The following KHDRBS2 variants were observed in gnomAD, a reference collection of about 807,000 sequenced individuals.
KHDRBS2 encodes KH domain-containing, RNA-binding, signal transduction-associated protein 2.
A neutral mutation model predicts 44.3 loss-of-function variants in KHDRBS2; 26 were observed. The ratio of observed to expected loss-of-function variants is 0.59; its 90% CI spans 0.43 to 0.81. KHDRBS2 has a LOEUF of 0.81. KHDRBS2 is among the 40% of genes least tolerant of loss of function. The pLI is 0.00. For missense variants in KHDRBS2, 476 were observed against 433.1 expected, an observed-to-expected ratio of 1.10 and a Z score of -0.88; for synonymous variants, 194 against 151.1, an observed-to-expected ratio of 1.28 and a Z score of -2.08.
intron 2 of KHDRBS2, among the ~76,000 whole-genome samples, chr6:62,175,196 A>G (rs548008196): frequency 5.9e-5 from 9 of 151,830 alleles, no homozygotes; most frequent in African/African-American, 2.2e-4. Context: ...TTTTCTATCA[A>G]AAAGCTCTAA....
At chr6:61,901,420 T>A in intron 4 of KHDRBS2, 49 bp from the exon 5 acceptor site, 1 of 1,444,620 alleles carries the variant, frequency 6.9e-7, no homozygotes, top group South Asian at 1.3e-5. Flanking sequence ...CATGCCGTTC[T>A]CAGAGTTGGA....
intron 6 of KHDRBS2, among the ~76,000 whole-genome samples, chr6:61,812,767 C>G (rs115166884): frequency 6.6e-6 from 1 of 151,792 alleles, no homozygotes; most frequent in Non-Finnish European, 1.5e-5. Context: ...TACAAGGAAA[C>G]AAAAACAAAA....
intron 6 of KHDRBS2, among the ~76,000 whole-genome samples, chr6:61,802,723 C>A (rs147334049): frequency 1.1e-4 from 16 of 152,202 alleles, no homozygotes; most frequent in South Asian, 8.3e-4. Flanking sequence ...CAGTATTTTT[C>A]TTATAATTTT....
intron 2 of KHDRBS2, among the ~76,000 whole-genome samples, chr6:62,071,728 G>A (rs563796827): frequency 1.3e-5 from 2 of 152,302 alleles, no homozygotes; most frequent in South Asian, 2.1e-4. Flanking sequence ...GTACCATGCT[G>A]TTTTGGTTAC....
At chr6:61,906,544 C>T (rs1413865040) in intron 4 of KHDRBS2, among the ~76,000 whole-genome samples, 2 of 152,230 alleles carry the variant, frequency 1.3e-5, no homozygotes, top group South Asian at 4.1e-4. Context: ...ACTTCCCCCC[C>T]TCCTTCCCAC....
chr6:61,630,903 T>C, the KHDRBS2 span, among the ~76,000 whole-genome samples: 7 of 152,172 alleles, frequency 4.6e-5, no homozygotes, highest in Admixed American at 2.0e-4. Context: ...TGTCTCTTTG[T>C]ATTCTGTGGT....
At chr6:61,557,718 C>T in the KHDRBS2 span, among the ~76,000 whole-genome samples, 32,167 of 151,918 alleles carry the variant, frequency 0.21, 3,665 homozygotes, top group East Asian at 0.29. Context: ...ATTAGTTGTT[C>T]TTTAACAACA....
chr6:61,756,490 C>T (rs1327294468), intron 6 of KHDRBS2, among the ~76,000 whole-genome samples: 2 of 152,056 alleles, frequency 1.3e-5, no homozygotes, highest in Non-Finnish European at 2.9e-5. Flanking sequence ...GAACTCTTGA[C>T]CTCAAGTGAT....
At chr6:61,838,862 G>A (rs1042790394) in intron 6 of KHDRBS2, among the ~76,000 whole-genome samples, 23 of 151,904 alleles carry the variant, frequency 1.5e-4, no homozygotes, top group Non-Finnish European at 2.2e-4. Context: ...TCATACATTC[G>A]CTTGTTTTGC....
At chr6:61,757,298 A>G (rs1220039885) in intron 6 of KHDRBS2, among the ~76,000 whole-genome samples, 4 of 152,076 alleles carry the variant, frequency 2.6e-5, no homozygotes, top group Non-Finnish European at 5.9e-5. Context: ...TCAGTTTCTC[A>G]CTGCAATTCT....
chr6:62,282,834 CA>C (rs1053097214), intron 1 of KHDRBS2, among the ~76,000 whole-genome samples: 1 of 151,846 alleles, frequency 6.6e-6, no homozygotes, highest in African/African-American at 2.4e-5. Context: ...ATTAGAATTG[CA>C]AAAAAACATA....
At chr6:62,274,294 C>T (rs1446057148) in intron 1 of KHDRBS2, among the ~76,000 whole-genome samples, 1 of 152,160 alleles carries the variant, frequency 6.6e-6, no homozygotes, top group Non-Finnish European at 1.5e-5. Context: ...ATGGCCTGCC[C>T]ATGTCTTGTA....
At chr6:61,839,985 T>C (rs1793347044) in intron 6 of KHDRBS2, among the ~76,000 whole-genome samples, 1 of 152,118 alleles carries the variant, frequency 6.6e-6, no homozygotes, top group African/African-American at 2.4e-5. Context: ...GCACTAATGA[T>C]TAAGCAAAGT....
intron 6 of KHDRBS2, among the ~76,000 whole-genome samples, chr6:61,752,384 A>C (rs1381181966): frequency 6.6e-6 from 1 of 152,206 alleles, no homozygotes; most frequent in Non-Finnish European, 1.5e-5. Context: ...TAGCAGACAC[A>C]GGAATTGACC....
chr6:61,713,399 G>T (rs987410536), intron 7 of KHDRBS2, among the ~76,000 whole-genome samples: 4 of 151,624 alleles, frequency 2.6e-5, no homozygotes, highest in African/African-American at 9.7e-5. Context: ...AGATAAATTT[G>T]ATTTTTCTTT....
the KHDRBS2 span, among the ~76,000 whole-genome samples, chr6:61,602,676 A>G: frequency 2.6e-5 from 4 of 152,120 alleles, no homozygotes; most frequent in South Asian, 6.2e-4. Context: ...TTCTTAATCA[A>G]TACAGAGGCT....
At chr6:62,232,977 A>G (rs1317805156) in intron 1 of KHDRBS2, among the ~76,000 whole-genome samples, 1 of 152,098 alleles carries the variant, frequency 6.6e-6, no homozygotes. Context: ...CACCTCTTAC[A>G]CAAAGAGAAA....
At chr6:61,650,408 T>C in the KHDRBS2 span, among the ~76,000 whole-genome samples, 1 of 61,278 alleles carries the variant, frequency 1.6e-5, no homozygotes, top group Non-Finnish European at 4.2e-5. Flanking sequence ...TTTAAAAAAA[T>C]GTTTTTTTTT....
At chr6:61,989,035 T>TCTTTA (rs1775615357) in intron 3 of KHDRBS2, among the ~76,000 whole-genome samples, 1 of 152,204 alleles carries the variant, frequency 6.6e-6, no homozygotes, top group African/African-American at 2.4e-5. Flanking sequence ...ATTTACCATG[T>TCTTTA]ACAGACAAAT....
Sources: gnomAD v4.1 joint callset for allele counts (sites outside exome capture counted in the v4.1 genomes callset) on GRCh38, gnomAD v4.1.1 for gene constraint, MANE v1.5 for transcripts, NCBI Gene and HGNC (gene_info 2026-07-23, HGNC 2026-07-21) for gene names.